Variants in BLCAP observed in about 807,000 individuals in gnomAD.
The protein encoded by BLCAP is apoptosis inducing factor BLCAP.
BLCAP carries 1 observed loss-of-function variant against 5.7 expected under a neutral mutation model. The ratio of observed to expected loss-of-function variants is 0.18; its 90% CI spans 0.06 to 0.83. The LOEUF is 0.83. Among genes scored for constraint, BLCAP ranks in the 40% least tolerant of loss-of-function variants. The pLI is 0.71. For missense variants in BLCAP, 66 were observed against 107.6 expected, an observed-to-expected ratio of 0.61 and a Z score of 1.71; for synonymous variants, 48 against 49.4, an observed-to-expected ratio of 0.97 and a Z score of 0.11.
At chr20:37,523,609 C>T (rs1443689364) in intron 1 of BLCAP, 2 of 152,696 alleles carry the variant, frequency 1.3e-5, no homozygotes, top group East Asian at 1.9e-4. Context: ...ACAGGGACCA[C>T]CTCTACAAAA....
At chr20:37,524,713 C>T (rs549584552) in intron 1 of BLCAP, among the ~76,000 whole-genome samples, 2 of 152,274 alleles carry the variant, frequency 1.3e-5, no homozygotes, top group South Asian at 4.1e-4. Context: ...ATCATGTTTC[C>T]CTCCCCTAAG....
Position 37,525,532 on chromosome 20 carries a change from GCCTGCA to G in BLCAP, c.-177+2255_-177+2260del, listed in dbSNP as rs2071703752. Among the ~76,000 whole-genome samples, 3 of 152,192 alleles carry G rather than the reference GCCTGCA, an allele frequency of 2.0e-5. No individual in the cohort carries two copies. In the South Asian group the frequency reaches 6.2e-4, roughly 31 times the overall value. On this transcript the variant is annotated intron_variant, in intron 1 of 1. Coordinates refer to ENST00000373537, the MANE Select transcript of BLCAP (RefSeq NM_006698.4). ...TTTCCAGGCAAGGGCTGCCCTGGTG[GCCTGCA>G]CCTGCACGTGTGGGCTTCAATGTGC... is the stretch of plus-strand genomic sequence containing the variant.
In BLCAP at chr20:37,521,088, G is replaced by A. The variant is rs573670093; in HGVS notation, c.-176-1738C>T. ...TGGAAGGGGGCTAAGATGGAACTCA[G>A]GAGGCGGGGGTCGGTATGGAAAGAG... On this transcript the variant is annotated intron_variant, in intron 1 of 1. Coordinates refer to ENST00000373537, the MANE Select transcript of BLCAP (RefSeq NM_006698.4). The surrounding 1 kb of genome is among the most constrained non-coding windows in gnomAD (Gnocchi z 4.5). 1.1e-5 allele frequency: 6 copies of A among 562,742 alleles called. No homozygotes were observed. The highest frequency in any genetic ancestry group is 9.4e-5 in the African/African-American group (5 of 52,976). The allele number at this position is 562,742 out of a possible 1,614,324, so 34.9% of individuals were successfully genotyped here.
intron 1 of BLCAP, chr20:37,522,876 A>G: frequency 1.1e-6 from 1 of 898,844 alleles, no homozygotes; most frequent in Non-Finnish European, 1.7e-6. Flanking sequence ...TCGCCAGAGG[A>G]GCACTTGGCA....
At chr20:37,524,860 G>C (rs1211756353) in intron 1 of BLCAP, among the ~76,000 whole-genome samples, 1 of 152,164 alleles carries the variant, frequency 6.6e-6, no homozygotes, top group Non-Finnish European at 1.5e-5. Flanking sequence ...TCAGCCTAGG[G>C]AACCTGGACA....
intron 1 of BLCAP, chr20:37,522,598 G>GGGGGGGGGGCCCC: frequency 2.3e-6 from 2 of 864,460 alleles, no homozygotes; most frequent in East Asian, 4.6e-5. Context: ...GCGGGGGTGG[G>GGGGGGGGGGCCCC]CACGGCAGCA....
Position 37,518,831 on chromosome 20 carries a change from G to A in BLCAP, c.*80C>T. On this transcript the variant is annotated 3_prime_UTR_variant, in exon 2 of 2. Coordinates refer to ENST00000373537, the MANE Select transcript of BLCAP (RefSeq NM_006698.4). ...TGACACCCGCGAGGCTGCGGGATTT[G>A]AAACTCCAATGCTTTATGACCTATG... The A allele has an allele frequency of 1.3e-6, 2 of 1,538,670 alleles. No homozygotes were observed. The highest frequency in any genetic ancestry group is 2.5e-5 in the South Asian group (2 of 79,022).
intron 1 of BLCAP, chr20:37,520,578 C>T (rs975361746): frequency 6.6e-6 from 1 of 152,336 alleles, no homozygotes; most frequent in African/African-American, 2.4e-5. Context: ...TTCCTGTATC[C>T]CTCCTACAGA....
At position 37,521,436 on chromosome 20, in the gene BLCAP, T is replaced by C. The variant is rs1375515402; in HGVS notation, c.-176-2086A>G. 2 of 1,603,876 alleles carry C rather than the reference T, an allele frequency of 1.2e-6. No individual in the cohort carries two copies. Among genetic ancestry groups the C allele is most frequent in the East Asian group, 2.2e-5 (1 of 44,802 alleles). On this transcript the variant is annotated intron_variant, in intron 1 of 1. Transcript: ENST00000373537. The surrounding 1 kb of genome is among the most constrained non-coding windows in gnomAD (Gnocchi z 4.5). ...TGACGGGGTTTCGGGTGGGAGAGGG[T>C]TCCCAACTCGCGCCCCTAGAACCCG... is the stretch of plus-strand genomic sequence containing the variant.
At chr20:37,522,589 CG>C in intron 1 of BLCAP, 1 of 662,400 alleles carries the variant, frequency 1.5e-6, no homozygotes, top group Non-Finnish European at 2.1e-6. Flanking sequence ...GGGGGTGGGG[CG>C]GGGGTGGGCA....
In BLCAP at chr20:37,521,512, C is replaced by A; in HGVS notation, c.-176-2162G>T. 1 of 1,144,384 alleles carries A rather than the reference C, an allele frequency of 8.7e-7. No homozygotes were observed. Among genetic ancestry groups the A allele is most frequent in the Non-Finnish European group, 1.3e-6 (1 of 768,392 alleles). 70.9% of individuals were successfully genotyped at this position (1,144,384 alleles called of 1,614,324 possible). The stretch of plus-strand genomic sequence containing the variant: ...CCCGGACCCGTCCTATTCCGATTGC[C>A]GCGATCCTTGCCTGCCCAAGTGCCG... On this transcript the variant is annotated intron_variant, in intron 1 of 1. Coordinates refer to ENST00000373537, the MANE Select transcript of BLCAP (RefSeq NM_006698.4). The surrounding 1 kb of genome is among the most constrained non-coding windows in gnomAD (Gnocchi z 4.5).
chr20:37,519,335 C>A lies in BLCAP; in HGVS notation c.-161G>T. On this transcript the variant is annotated 5_prime_UTR_variant, in exon 2 of 2. Coordinates refer to ENST00000373537, the MANE Select transcript of BLCAP (RefSeq NM_006698.4). ...TCTCTGGCTGTCAGCCCGGGATCAC[C>A]AAGGCAGCAGGGATCCTGAAGAGAA... 3.2e-6 allele frequency: 2 copies of A among 626,202 alleles called. No individual in the cohort carries two copies. The highest frequency in any genetic ancestry group is 4.9e-6 in the Non-Finnish European group (2 of 410,420). The allele number at this position is 626,202 out of a possible 1,614,324, so 38.8% of individuals were successfully genotyped here.
In BLCAP at chr20:37,518,587, G is replaced by T. The variant is rs1282770062; in HGVS notation, c.*324C>A. The T allele has an allele frequency of 7.1e-6, 2 of 280,850 alleles. No individual in the cohort carries two copies. Among genetic ancestry groups the T allele is most frequent in the Middle Eastern group, 3.9e-4 (1 of 2,582 alleles). 17.4% of individuals were successfully genotyped at this position (280,850 alleles called of 1,614,324 possible). On this transcript the variant is annotated 3_prime_UTR_variant, in exon 2 of 2. Transcript: ENST00000373537. ...GAGACTGGCATTTTATCTGCCCCAGGTCACATTGGGGCAGCTGACCAGGAT... is the reference window on the plus strand; with the variant it reads ...GAGACTGGCATTTTATCTGCCCCAGTTCACATTGGGGCAGCTGACCAGGAT...
chr20:37,526,945 G>T (rs2071732465), intron 1 of BLCAP: 1 of 152,176 alleles, frequency 6.6e-6, no homozygotes, highest in Non-Finnish European at 1.5e-5. Flanking sequence ...CAGAGAAGCC[G>T]TCCCCAACAC....
chr20:37,524,052 A>G (rs1431248850), intron 1 of BLCAP, among the ~76,000 whole-genome samples: 1 of 152,200 alleles, frequency 6.6e-6, no homozygotes, highest in African/African-American at 2.4e-5. Context: ...TAGCCCTCCA[A>G]AGAGGTACTA....
At chr20:37,522,578 AGG>A in intron 1 of BLCAP, 1 of 683,764 alleles carries the variant, frequency 1.5e-6, no homozygotes, top group Non-Finnish European at 1.9e-6. Context: ...CGGGCGGGGC[AGG>A]GGGTGGGGCG....
At chr20:37,527,296 A>C (rs1601101860) in intron 1 of BLCAP, among the ~76,000 whole-genome samples, 1 of 151,840 alleles carries the variant, frequency 6.6e-6, no homozygotes, top group African/African-American at 2.4e-5. Context: ...TCAGCCTATC[A>C]CCCCAGACAC....
chr20:37,527,212 G>A (rs1260673276), intron 1 of BLCAP, among the ~76,000 whole-genome samples: 2 of 152,076 alleles, frequency 1.3e-5, no homozygotes, highest in Admixed American at 6.5e-5. Flanking sequence ...GTCTATAGAA[G>A]GAAAGGGAAG....
chr20:37,521,224 T>TA lies in BLCAP; in HGVS notation c.-176-1875dup, dbSNP rs923712048. ...CGCACTTAGGTGGCGGGCGGGTACTTAAGGCGCGGCCACCGCGGCTGCGGC... is the reference window on the plus strand; with the variant it reads ...CGCACTTAGGTGGCGGGCGGGTACTTAAAGGCGCGGCCACCGCGGCTGCGGC... On this transcript the variant is annotated intron_variant, in intron 1 of 1. Coordinates refer to ENST00000373537, the MANE Select transcript of BLCAP (RefSeq NM_006698.4). The surrounding 1 kb of genome is among the most constrained non-coding windows in gnomAD (Gnocchi z 4.5). 1.7e-6 allele frequency: 2 copies of TA among 1,191,618 alleles called. No homozygotes were observed. Among genetic ancestry groups the TA allele is most frequent in the African/African-American group, 3.0e-5 (2 of 66,476 alleles). The allele number at this position is 1,191,618 out of a possible 1,614,324, so 73.8% of individuals were successfully genotyped here. A position where few individuals can be genotyped will look rare whatever the true frequency, so the allele number is the denominator to read the frequency against.
Sources: allele counts gnomAD v4.1 joint callset (sites outside exome capture counted in the v4.1 genomes callset), GRCh38; gene constraint gnomAD v4.1.1; non-coding constraint Gnocchi (gnomAD v3.1); transcripts MANE v1.5; gene names NCBI Gene and HGNC (gene_info 2026-07-23, HGNC 2026-07-21).